EP300: variants seen among roughly 807,000 people sequenced by gnomAD.
The protein encoded by EP300 is EP300 lysine acetyltransferase, also known as histone acetyltransferase p300.
EP300 carries 31 observed loss-of-function variants against 264.0 expected under a neutral mutation model. The ratio of observed to expected loss-of-function variants is 0.12; its 90% CI spans 0.09 to 0.16. EP300 has a LOEUF of 0.16. Among genes scored for constraint, EP300 ranks in the 10% least tolerant of loss-of-function variants. EP300 has a pLI of 1.00. For missense variants in EP300, 2,766 were observed against 3,052.9 expected (o/e 0.91, Z 2.21); for synonymous variants, 1,340 against 1,045.4 (o/e 1.28, Z -5.44).
At chr22:41,169,217 A>G in intron 25 of EP300, 1 of 547,434 alleles carries the variant, frequency 1.8e-6, no homozygotes, top group Non-Finnish European at 3.3e-6. Flanking sequence ...TTCTCCAAAA[A>G]TAGTATAAAG....
chr22:41,118,167 TC>T lies in EP300; in HGVS notation c.729+348del, dbSNP rs2058832052. Among the ~76,000 whole-genome samples the T allele has an allele frequency of 2.0e-5, 3 of 152,324 alleles. No homozygotes were observed. In the South Asian group the frequency reaches 6.2e-4, roughly 32 times the overall value. Reference sequence around the variant, plus strand: ...CATTACACTGTCTTCAGATGGATACTCCATTTGTTCCTATTGCTTTGAATGT... The same window carrying T: ...CATTACACTGTCTTCAGATGGATACTCATTTGTTCCTATTGCTTTGAATGT... On this transcript the variant is annotated intron_variant, in intron 2 of 30. Coordinates refer to ENST00000263253, the MANE Select transcript of EP300 (RefSeq NM_001429.4).
In EP300 at chr22:41,135,859, G is replaced by A. The variant is rs772455986; in HGVS notation, c.1575G>A (p.Pro525=). The A allele has an allele frequency of 3.5e-5, 57 of 1,613,956 alleles. No individual in the cohort carries two copies. The highest frequency in any genetic ancestry group is 1.4e-4 in the South Asian group (13 of 91,088). ...GVNGGVGVQT[P]SLLSDSMLHS... is the part of the protein sequence containing the mutation. ...ATGGAGGTGTAGGAGTTCAAACGCC[G>A]AGTCTTCTTTCTGACTCAATGTTGC... The change falls in exon 7 of 31, where the codon CCG becomes CCA. Residue 525 remains proline (P), a synonymous_variant. Coordinates refer to ENST00000263253, the MANE Select transcript of EP300 (RefSeq NM_001429.4).
At chr22:41,111,788 C>T (rs1054014535) in intron 1 of EP300, among the ~76,000 whole-genome samples, 1 of 151,604 alleles carries the variant, frequency 6.6e-6, no homozygotes, top group Non-Finnish European at 1.5e-5. Context: ...GAACGCCTGC[C>T]TTGGCCTGCT....
intron 28 of EP300, among the ~76,000 whole-genome samples, chr22:41,173,088 T>G (rs2059180136): frequency 6.6e-6 from 1 of 152,334 alleles, no homozygotes; most frequent in Admixed American, 6.5e-5. Flanking sequence ...GAATTTAAGT[T>G]ACTAAGCCTG....
rs1269909479 is a variant in EP300, at chr22:41,168,715, G to C, written c.4026-6G>C. ...TTGTGGTTCCCCCACCATCTCAATT[G>C]TATAGGTTTGTGGACAGTGGAGAGA... is the stretch of plus-strand genomic sequence containing the variant. On this transcript the variant is annotated splice_polypyrimidine_tract_variant and splice_region_variant and intron_variant, in intron 24 of 30. Coordinates refer to ENST00000263253, the MANE Select transcript of EP300 (RefSeq NM_001429.4). The C allele has an allele frequency of 6.2e-7, 1 of 1,614,208 alleles. No individual in the cohort carries two copies. Among genetic ancestry groups the C allele is most frequent in the Non-Finnish European group, 8.5e-7 (1 of 1,180,038 alleles).
chr22:41,157,418 G>A lies in EP300; in HGVS notation c.3501+10G>A, dbSNP rs2145747994. On this transcript the variant is annotated intron_variant, in intron 18 of 30. Coordinates refer to ENST00000263253, the MANE Select transcript of EP300 (RefSeq NM_001429.4). Reference sequence around the variant, plus strand: ...CTGTTGTGGCAGAAAGGTAAGAAATGTGTTTCAGATTTGACTTTAACTTTT... The same window carrying A: ...CTGTTGTGGCAGAAAGGTAAGAAATATGTTTCAGATTTGACTTTAACTTTT... 1 of 1,592,414 alleles carries A rather than the reference G, an allele frequency of 6.3e-7. No individual in the cohort carries two copies. Among genetic ancestry groups the A allele is most frequent in the Non-Finnish European group, 8.6e-7 (1 of 1,166,644 alleles).
intron 1 of EP300, among the ~76,000 whole-genome samples, chr22:41,095,084 C>T (rs1015333059): frequency 1.3e-5 from 2 of 151,988 alleles, no homozygotes; most frequent in Non-Finnish European, 1.5e-5. Context: ...GTTAACTTTA[C>T]CCCCCTCCCC....
At chr22:41,140,965 CTA>C (rs1255748533) in intron 9 of EP300, 81 bp from the exon 10 acceptor site, 1 of 1,290,518 alleles carries the variant, frequency 7.7e-7, no homozygotes, top group Non-Finnish European at 1.1e-6. Context: ...AAACTAATAT[CTA>C]TTCTCAGTTT....
chr22:41,140,995 G>T (rs2058979015), intron 9 of EP300, 53 bp from the exon 10 acceptor site: 2 of 1,536,812 alleles, frequency 1.3e-6, no homozygotes, highest in Non-Finnish European at 1.8e-6. Flanking sequence ...CTGTTACCTG[G>T]TGGTAGTTCC....
chr22:41,163,362 G>C (rs1343591543), intron 21 of EP300, among the ~76,000 whole-genome samples: 1 of 148,544 alleles, frequency 6.7e-6, no homozygotes, highest in Non-Finnish European at 1.5e-5. Flanking sequence ...GTGAACCTGG[G>C]AGGCGGAGCT....
intron 1 of EP300, among the ~76,000 whole-genome samples, chr22:41,094,609 A>G (rs1215129019): frequency 2.0e-5 from 3 of 152,156 alleles, no homozygotes; most frequent in Non-Finnish European, 1.5e-5. Context: ...CACATACACA[A>G]ACGTCGTTGT....
chr22:41,154,948 T>G, intron 16 of EP300, 47 bp from the exon 17 acceptor site: 1 of 1,286,650 alleles, frequency 7.8e-7, no homozygotes, highest in Non-Finnish European at 1.1e-6. Context: ...TTTAAAGTTC[T>G]TCTGCTTAAT....
At chr22:41,149,288 TA>T (rs1012586449) in intron 13 of EP300, 113 bp downstream of exon 13, 15 of 1,297,934 alleles carry the variant, frequency 1.2e-5, no homozygotes, top group Admixed American at 1.8e-5. Context: ...GATGATTTTT[TA>T]AAAAATAACA....
At chr22:41,106,802 G>T (rs531334621) in intron 1 of EP300, among the ~76,000 whole-genome samples, 76 of 152,004 alleles carry the variant, frequency 5.0e-4, no homozygotes, top group Non-Finnish European at 8.7e-4. Flanking sequence ...TTGCTATGTT[G>T]CTCAGGCTTG....
intron 1 of EP300, among the ~76,000 whole-genome samples, chr22:41,096,612 C>CTTTTTTTT: frequency 1.9e-5 from 2 of 104,474 alleles, no homozygotes; most frequent in Non-Finnish European, 1.9e-5. Flanking sequence ...GTCAGCTCTA[C>CTTTTTTTT]TTTTTTTTTT....
chr22:41,103,556 A>G (rs1166410593), intron 1 of EP300, among the ~76,000 whole-genome samples: 1 of 152,204 alleles, frequency 6.6e-6, no homozygotes, highest in Non-Finnish European at 1.5e-5. Flanking sequence ...GAGAAAATGT[A>G]TATTTGAACA....
intron 14 of EP300, among the ~76,000 whole-genome samples, chr22:41,151,402 C>A (rs544152136): frequency 6.6e-6 from 1 of 152,206 alleles, no homozygotes; most frequent in African/African-American, 2.4e-5. Flanking sequence ...CGATTCAAAA[C>A]AGCCACTCTC....
At position 41,178,827 on chromosome 22, in the gene EP300, G is replaced by A. The variant is rs2059220725; in HGVS notation, c.7116G>A (p.Met2372Ile). The change falls in exon 31 of 31, where the codon ATG becomes ATA. Residue 2372 changes from methionine (M) to isoleucine (I), a missense_variant. Physicochemically the swap from Met to Ile is conservative, Grantham distance 10. Coordinates refer to ENST00000263253, the MANE Select transcript of EP300 (RefSeq NM_001429.4). Reference protein sequence around the residue: ...GHFASPDQNSMLSQLASNPGM... With the variant: ...GHFASPDQNSILSQLASNPGM... Reference sequence around the variant, plus strand: ...TTGCCAGCCCGGACCAGAATTCAATGCTTTCTCAGCTTGCTAGCAATCCAG... The same window carrying A: ...TTGCCAGCCCGGACCAGAATTCAATACTTTCTCAGCTTGCTAGCAATCCAG... The A allele has an allele frequency of 6.2e-7, 1 of 1,614,052 alleles. No individual in the cohort carries two copies. The highest frequency in any genetic ancestry group is 8.5e-7 in the Non-Finnish European group (1 of 1,180,044).
chr22:41,164,770 G>A (rs1334926322), intron 22 of EP300, among the ~76,000 whole-genome samples: 2 of 152,126 alleles, frequency 1.3e-5, no homozygotes, highest in Non-Finnish European at 2.9e-5. Context: ...TCATGCTGCT[G>A]GCATGAATAG....
Sources: gnomAD v4.1 joint callset for allele counts (sites outside exome capture counted in the v4.1 genomes callset) on GRCh38, gnomAD v4.1.1 for gene constraint, MANE v1.5 for transcripts, NCBI Gene and HGNC (gene_info 2026-07-23, HGNC 2026-07-21) for gene names.